The following CALY variants were observed in gnomAD, a reference collection of about 807,000 sequenced individuals.
CALY encodes the protein neuron-specific vesicular protein calcyon.
In CALY, 15 loss-of-function variants were observed where a neutral mutation model predicts 20.2. That is an observed-to-expected ratio of 0.74 (90% CI 0.50 to 1.14). CALY has a LOEUF of 1.14. Among genes scored for constraint, CALY ranks in the 50% most tolerant of loss-of-function variants. CALY has a pLI of 0.00. For synonymous variants in CALY, 129 were observed against 131.8 expected (o/e 0.98, Z 0.15); for missense variants, 270 against 304.4 (o/e 0.89, Z 0.84).
intron 1 of CALY, among the ~76,000 whole-genome samples, chr10:133,329,864 G>C (rs1848274637): frequency 6.6e-6 from 1 of 152,222 alleles, no homozygotes; most frequent in African/African-American, 2.4e-5. Context: ...TCCTCATTCT[G>C]TCTGGCGGCT....
At chr10:133,333,036 C>T (rs2133382328) in intron 1 of CALY, among the ~76,000 whole-genome samples, 1 of 151,900 alleles carries the variant, frequency 6.6e-6, no homozygotes, top group Admixed American at 6.6e-5. Context: ...CGAGGATGTC[C>T]AATTAACTGC....
At chr10:133,329,124 A>C in intron 1 of CALY, 115 bp from the exon 2 acceptor site, 3 of 889,050 alleles carry the variant, frequency 3.4e-6, no homozygotes, top group Non-Finnish European at 5.0e-6. Context: ...CACCAGAGCC[A>C]GGGACAGGCT....
At chr10:133,335,641 A>C (rs1432905123) in intron 1 of CALY, among the ~76,000 whole-genome samples, 1 of 152,140 alleles carries the variant, frequency 6.6e-6, no homozygotes, top group Non-Finnish European at 1.5e-5. Context: ...CACCCCACAC[A>C]CCAGACCTTC....
At chr10:133,326,816 G>T in intron 4 of CALY, 62 bp downstream of exon 4, 1 of 1,122,596 alleles carries the variant, frequency 8.9e-7, no homozygotes, top group Non-Finnish European at 1.3e-6. Context: ...GCCACCCCCT[G>T]CCTGGAGGCT....
chr10:133,326,168 C>T (rs1314000488), intron 4 of CALY, 48 bp from the exon 5 acceptor site: 13 of 1,574,480 alleles, frequency 8.3e-6, no homozygotes, highest in Non-Finnish European at 1.1e-5. Context: ...CCCTCCTGTG[C>T]GCCCCGGGCC....
At chr10:133,327,410 A>G in intron 3 of CALY, 1 of 489,660 alleles carries the variant, frequency 2.0e-6, no homozygotes, top group Non-Finnish European at 3.6e-6. Context: ...TGCAGACTGG[A>G]ACGTGAGGCC....
intron 2 of CALY, 130 bp downstream of exon 2, chr10:133,328,725 G>T: frequency 9.5e-7 from 1 of 1,051,300 alleles, no homozygotes; most frequent in Non-Finnish European, 1.3e-6. Context: ...TGGGGCTTTG[G>T]CCCCCATGGC....
chr10:133,333,296 G>GC (rs533612453), intron 1 of CALY, among the ~76,000 whole-genome samples: 1,431 of 103,408 alleles, frequency 0.014, 72 homozygotes, highest in Admixed American at 0.072. Context: ...AGGGGGTGGG[G>GC]GGGGGGGAAG....
chr10:133,327,809 C>G (rs753969378), intron 3 of CALY, 96 bp downstream of exon 3: 35 of 820,184 alleles, frequency 4.3e-5, no homozygotes, highest in Non-Finnish European at 7.1e-5. Flanking sequence ...CAAGGGGACC[C>G]CAGACTGGCC....
intron 4 of CALY, chr10:133,326,383 G>T: frequency 1.1e-6 from 1 of 920,430 alleles, no homozygotes; most frequent in Non-Finnish European, 1.7e-6. Context: ...CAAGGACTCT[G>T]CGGAGCGCGC....
At chr10:133,328,752 C>T (rs1206137485) in intron 2 of CALY, 103 bp downstream of exon 2, 3 of 1,271,550 alleles carry the variant, frequency 2.4e-6, no homozygotes, top group East Asian at 5.3e-5. Flanking sequence ...TCTGTTTGCT[C>T]TACTGCACCT....
intron 1 of CALY, among the ~76,000 whole-genome samples, chr10:133,333,292 TGGG>T (rs371029336): frequency 0.016 from 575 of 36,726 alleles, 11 homozygotes; most frequent in African/African-American, 0.049. Context: ...ATTGAGGGGG[TGGG>T]GGGGGGGGAA....
At chr10:133,331,107 G>A (rs1163082030) in intron 1 of CALY, among the ~76,000 whole-genome samples, 1 of 152,180 alleles carries the variant, frequency 6.6e-6, no homozygotes, top group Admixed American at 6.5e-5. Flanking sequence ...TAAGACTCAG[G>A]GCTCATTTAC....
chr10:133,332,482 T>C (rs188738774), intron 1 of CALY, among the ~76,000 whole-genome samples: 181 of 152,288 alleles, frequency 1.2e-3, no homozygotes, highest in African/African-American at 4.0e-3. Context: ...GTACTAACCA[T>C]AAAAGGAAAT....
chr10:133,325,673 T>A (rs1332476420), intron 5 of CALY, 107 bp from the exon 6 acceptor site: 2 of 436,348 alleles, frequency 4.6e-6, no homozygotes, highest in Non-Finnish European at 7.1e-6. Context: ...ACCCCGAGGT[T>A]CTGGCGGGCC....
In CALY at chr10:133,324,927, C is replaced by T. The variant is rs1189364685; in HGVS notation, c.*668G>A. On this transcript the variant is annotated 3_prime_UTR_variant, in exon 6 of 6. Transcript: ENST00000252939. ...ACCCCTCATCAGGCCCCACTCCCCA[C>T]TCAGACGCCCCCATTCACTCCTTTC... 4.5e-6 allele frequency: 1 copy of T among 221,232 alleles called. No individual in the cohort carries two copies. The highest frequency in any genetic ancestry group is 9.2e-6 in the Non-Finnish European group (1 of 108,980). The allele number at this position is 221,232 out of a possible 1,614,324, so 13.7% of individuals were successfully genotyped here.
chr10:133,325,697 G>A, intron 5 of CALY, 102 bp downstream of exon 5: 1 of 509,144 alleles, frequency 2.0e-6, no homozygotes, highest in Admixed American at 4.7e-5. Context: ...TCGGAGGGAA[G>A]AGGAAGGGAA....
chr10:133,331,714 C>G (rs1011948806), intron 1 of CALY, among the ~76,000 whole-genome samples: 3 of 152,150 alleles, frequency 2.0e-5, no homozygotes, highest in Admixed American at 1.3e-4. Flanking sequence ...TACCCACCCC[C>G]CAATCTGTAG....
At chr10:133,332,205 G>A (rs1848321081) in intron 1 of CALY, among the ~76,000 whole-genome samples, 1 of 152,066 alleles carries the variant, frequency 6.6e-6, no homozygotes, top group Admixed American at 6.5e-5. Context: ...GAAATGGAGA[G>A]GTGTGGGGCT....
Sources: allele counts gnomAD v4.1 joint callset (sites outside exome capture counted in the v4.1 genomes callset), GRCh38; gene constraint gnomAD v4.1.1; transcripts MANE v1.5; gene names NCBI Gene and HGNC (gene_info 2026-07-23, HGNC 2026-07-21).